GRIN2B: variants seen among roughly 807,000 people sequenced by gnomAD.
The protein encoded by GRIN2B is glutamate receptor ionotropic, NMDA 2B.
A neutral mutation model predicts 114.5 loss-of-function variants in GRIN2B; 5 were observed. That is an observed-to-expected ratio of 0.04 (90% CI 0.02 to 0.09). The LOEUF is 0.09. GRIN2B is among the 10% of genes least tolerant of loss of function. The pLI, the probability that GRIN2B is intolerant of heterozygous loss-of-function variation, is 1.00. For synonymous variants in GRIN2B, 787 were observed against 745.1 expected (o/e 1.06, Z -0.92); for missense variants, 1,108 against 1,943.5 (o/e 0.57, Z 8.08).
intron 2 of GRIN2B, among the ~76,000 whole-genome samples, chr12:13,872,423 T>C (rs1305396930): frequency 1.4e-5 from 2 of 144,960 alleles, no homozygotes; most frequent in Non-Finnish European, 3.0e-5. Flanking sequence ...GCCACTGTAC[T>C]CCAGCCTGGC....
At chr12:13,927,580 C>T (rs921344214) in intron 2 of GRIN2B, among the ~76,000 whole-genome samples, 6 of 152,082 alleles carry the variant, frequency 3.9e-5, no homozygotes, top group African/African-American at 1.4e-4. Flanking sequence ...TTTGCCAACC[C>T]CTGCCCTAGA....
intron 4 of GRIN2B, among the ~76,000 whole-genome samples, chr12:13,686,714 T>A (rs1170501630): frequency 6.6e-6 from 1 of 152,134 alleles, no homozygotes; most frequent in African/African-American, 2.4e-5. Flanking sequence ...ACCCTTGTAA[T>A]CTTTGCTTTT....
At chr12:13,567,347 CAAGAAAGAG>C in intron 12 of GRIN2B, 84 bp from the exon 13 acceptor site, 1 of 872,248 alleles carries the variant, frequency 1.1e-6, no homozygotes, top group Non-Finnish European at 1.9e-6. Context: ...GAGTATTGAG[CAAGAAAGAG>C]AAAGATACGT....
At chr12:13,573,497 A>G (rs1401669421) in intron 10 of GRIN2B, among the ~76,000 whole-genome samples, 1 of 149,034 alleles carries the variant, frequency 6.7e-6, no homozygotes, top group Non-Finnish European at 1.5e-5. Context: ...TAGGTGCCCA[A>G]TAAATGTTCT....
In GRIN2B at chr12:13,951,968, T is replaced by C. The variant is rs533724436; in HGVS notation, c.-19+27960A>G. Among the ~76,000 whole-genome samples the C allele has an allele frequency of 2.6e-5, 4 of 152,330 alleles. No homozygotes were observed. The South Asian group carries it at 8.3e-4, about 32-fold the overall frequency. ...CTTGCAATAGATTAATACATTTATC[T>C]GTACAGGTCTTATACCTAAGCACAA... is the stretch of plus-strand genomic sequence containing the variant. On this transcript the variant is annotated intron_variant, in intron 2 of 13. Coordinates refer to ENST00000609686, the MANE Select transcript of GRIN2B (RefSeq NM_000834.5).
chr12:13,831,652 G>C (rs1056971445), intron 3 of GRIN2B, among the ~76,000 whole-genome samples: 1 of 152,198 alleles, frequency 6.6e-6, no homozygotes, highest in African/African-American at 2.4e-5. Context: ...GGCTCATGTG[G>C]GGGAGCCCGG....
chr12:13,824,925 C>T (rs1025083245), intron 3 of GRIN2B, among the ~76,000 whole-genome samples: 2 of 149,520 alleles, frequency 1.3e-5, no homozygotes, highest in Admixed American at 6.7e-5. Context: ...GTATACTCTA[C>T]TTCATTGATT....
chr12:13,981,744 G>C (rs1251763214), upstream of GRIN2B, among the ~76,000 whole-genome samples: 1 of 151,678 alleles, frequency 6.6e-6, no homozygotes, highest in Non-Finnish European at 1.5e-5. Context: ...AGTCAACCGC[G>C]CGGCAGCCGG....
intron 5 of GRIN2B, among the ~76,000 whole-genome samples, chr12:13,662,191 A>T (rs1949930943): frequency 6.6e-6 from 1 of 152,180 alleles, no homozygotes; most frequent in African/African-American, 2.4e-5. Context: ...GATGTGACAG[A>T]TTATATAAAT....
At chr12:13,964,005 G>A (rs1867745778) in intron 2 of GRIN2B, among the ~76,000 whole-genome samples, 1 of 152,316 alleles carries the variant, frequency 6.6e-6, no homozygotes, top group South Asian at 2.1e-4. Context: ...TCACCCTGGG[G>A]TCCTGATGGA....
chr12:13,700,106 T>TGTGGGGAG (rs1331859590), intron 4 of GRIN2B, among the ~76,000 whole-genome samples: 2 of 152,236 alleles, frequency 1.3e-5, no homozygotes, highest in Middle Eastern at 3.4e-3. Flanking sequence ...GCTGTCTGTC[T>TGTGGGGAG]GTGGGGAGGT....
chr12:13,687,788 T>C (rs1375637846), intron 4 of GRIN2B, among the ~76,000 whole-genome samples: 6 of 152,220 alleles, frequency 3.9e-5, no homozygotes, highest in South Asian at 2.1e-4. Flanking sequence ...ATCAAATCAA[T>C]TAAAAGTCAA....
At chr12:13,795,375 G>A (rs1384012630) in intron 3 of GRIN2B, among the ~76,000 whole-genome samples, 11 of 147,426 alleles carry the variant, frequency 7.5e-5, no homozygotes, top group East Asian at 2.0e-4. Context: ...ATGCAGTGGC[G>A]AAAAAAAAAA....
intron 5 of GRIN2B, among the ~76,000 whole-genome samples, chr12:13,624,378 C>T (rs940604185): frequency 6.6e-6 from 1 of 152,178 alleles, no homozygotes; most frequent in East Asian, 1.9e-4. Flanking sequence ...GTAAAGCCTG[C>T]TTCATTCTGT....
intron 3 of GRIN2B, among the ~76,000 whole-genome samples, chr12:13,832,528 A>G (rs1194658933): frequency 6.6e-6 from 1 of 152,236 alleles, no homozygotes; most frequent in Non-Finnish European, 1.5e-5. Flanking sequence ...AGTGTCTAGT[A>G]TAGTGTCTTG....
chr12:13,635,681 T>C (rs1949660482), intron 5 of GRIN2B, among the ~76,000 whole-genome samples: 1 of 152,184 alleles, frequency 6.6e-6, no homozygotes, highest in South Asian at 2.1e-4. Context: ...GCCATTTGCT[T>C]GTTTTAAGCA....
intron 3 of GRIN2B, among the ~76,000 whole-genome samples, chr12:13,816,671 G>A (rs967213322): frequency 8.6e-5 from 13 of 152,040 alleles, no homozygotes; most frequent in East Asian, 1.9e-4. Flanking sequence ...ACCCACCTCC[G>A]TATCACATGC....
In GRIN2B at chr12:13,564,198, G is replaced by T. The variant is rs1555102419; in HGVS notation, c.3040C>A (p.Gln1014Lys). Residue 1014 changes from glutamine to lysine, a missense_variant, in exon 14 of 14, where the codon CAG becomes AAG. Physicochemically the swap from Gln to Lys is moderately conservative, Grantham distance 53. Around this residue, in one of 19 missense-constraint regions of GRIN2B, gnomAD observed 140 missense variants for 187.5 expected, o/e 0.75. Transcript: ENST00000609686. The surrounding 1 kb of genome is among the most constrained non-coding windows in gnomAD (Gnocchi z 4.8). The part of the protein sequence containing the change: ...YDCDNPPFTT[Q>K]SRSISKKPLD... ...GGCTTCTTGCTGATGGACCTGGACTGGGTGGTGAAGGGTGGGTTGTCACAG... is the reference window on the plus strand; with the variant it reads ...GGCTTCTTGCTGATGGACCTGGACTTGGTGGTGAAGGGTGGGTTGTCACAG... The T allele has an allele frequency of 6.2e-7, 1 of 1,614,174 alleles. No individual in the cohort carries two copies. The highest frequency in any genetic ancestry group is 1.1e-5 in the South Asian group (1 of 91,080).
In GRIN2B at chr12:13,612,528, G is replaced by A. The variant is rs545241990; in HGVS notation, c.1655-678C>T. Among the ~76,000 whole-genome samples the A allele has an allele frequency of 6.9e-4, 105 of 152,314 alleles. 1 individual carries two copies. The highest frequency in any genetic ancestry group is 2.5e-3 in the African/African-American group (104 of 41,568). ...ATCTGCAACAGTGGGAATTTAACAA[G>A]TGACAAGGGAACATGTCTAAGCTGT... On this transcript the variant is annotated intron_variant, in intron 8 of 13. Coordinates refer to ENST00000609686, the MANE Select transcript of GRIN2B (RefSeq NM_000834.5).
Sources: allele counts gnomAD v4.1 joint callset (sites outside exome capture counted in the v4.1 genomes callset), GRCh38; gene constraint gnomAD v4.1.1; regional missense constraint gnomAD v4.1.1; non-coding constraint Gnocchi (gnomAD v3.1); transcripts MANE v1.5; gene names NCBI Gene and HGNC (gene_info 2026-07-23, HGNC 2026-07-21).